Variants in CNTNAP5 observed in about 807,000 individuals in gnomAD.
CNTNAP5 encodes the protein contactin associated protein family member 5, also known as contactin-associated protein-like 5.
CNTNAP5 carries 72 observed loss-of-function variants against 150.2 expected under a neutral mutation model. The observed-to-expected ratio is 0.48, with a 90% CI of 0.40 to 0.58. The LOEUF (loss-of-function observed/expected upper bound fraction) is 0.58. CNTNAP5 is among the 20% of genes least tolerant of loss of function. CNTNAP5 has a pLI of 0.00. For missense variants in CNTNAP5, 1,636 were observed against 1,626.2 expected, an observed-to-expected ratio of 1.01 and a Z score of -0.10; for synonymous variants, 672 against 619.8, an observed-to-expected ratio of 1.08 and a Z score of -1.25.
intron 19 of CNTNAP5, among the ~76,000 whole-genome samples, chr2:124,823,218 T>C (rs570456634): frequency 3.3e-5 from 5 of 152,310 alleles, no homozygotes; most frequent in Admixed American, 3.3e-4. Flanking sequence ...AGAACGGACA[T>C]TTCCTTGTGG....
intron 5 of CNTNAP5, among the ~76,000 whole-genome samples, chr2:124,440,494 G>A (rs1022189477): frequency 1.3e-5 from 2 of 152,074 alleles, no homozygotes; most frequent in South Asian, 2.1e-4. Context: ...ATCAAACAAG[G>A]CATTTGGTTG....
At chr2:124,213,397 A>G (rs556660317) in intron 1 of CNTNAP5, among the ~76,000 whole-genome samples, 1 of 152,314 alleles carries the variant, frequency 6.6e-6, no homozygotes, top group African/African-American at 2.4e-5. Flanking sequence ...GAAAATAAAT[A>G]AGTGGAAAAC....
At position 124,334,038 on chromosome 2, in the gene CNTNAP5, C is replaced by T. The variant is rs142981805; in HGVS notation, c.382-83405C>T. 1.0e-3 allele frequency among the ~76,000 whole-genome samples: 153 copies of T among 152,188 alleles called. 4 individuals are homozygous for T. The East Asian group carries it at 0.023, about 23-fold the overall frequency. ...CCTAAAAACCCAAAAGATCACACAG[C>T]TGACTGTAAAACAGTGCAGAGCTTC... On this transcript the variant is annotated intron_variant, in intron 3 of 23. Coordinates refer to ENST00000682447, the MANE Select transcript of CNTNAP5 (RefSeq NM_001367498.1).
intron 11 of CNTNAP5, among the ~76,000 whole-genome samples, chr2:124,608,517 T>C (rs1023569475): frequency 1.3e-5 from 2 of 152,304 alleles, no homozygotes; most frequent in Middle Eastern, 3.4e-3. Flanking sequence ...CCTCCATGGT[T>C]CCATCCTCTG....
chr2:124,481,114 C>G (rs971065530), intron 7 of CNTNAP5, among the ~76,000 whole-genome samples: 7 of 152,184 alleles, frequency 4.6e-5, no homozygotes, highest in African/African-American at 7.2e-5. Flanking sequence ...CGATCGGGTT[C>G]GGGTGAGGGC....
rs557770883 is a variant in CNTNAP5 at position 124,712,991 on chromosome 2, C to T, written c.2078-34238C>T. Among the ~76,000 whole-genome samples the T allele has an allele frequency of 1.7e-3, 259 of 152,236 alleles. 2 individuals are homozygous for T. The highest frequency in any genetic ancestry group is 5.8e-3 in the African/African-American group (243 of 41,544). On this transcript the variant is annotated intron_variant, in intron 13 of 23. Coordinates refer to ENST00000682447, the MANE Select transcript of CNTNAP5 (RefSeq NM_001367498.1). The stretch of plus-strand genomic sequence containing the variant: ...GACCTAATCACCTCCCAAAGGGAAA[C>T]CTCCTAATACCATCATCTTGGAGGT...
At chr2:124,786,636 G>A (rs1681604430) in intron 17 of CNTNAP5, among the ~76,000 whole-genome samples, 1 of 152,076 alleles carries the variant, frequency 6.6e-6, no homozygotes, top group Non-Finnish European at 1.5e-5. Flanking sequence ...AGAAGAGAGA[G>A]AGAGAAGCAA....
At chr2:124,375,743 T>C (rs1361326559) in intron 3 of CNTNAP5, among the ~76,000 whole-genome samples, 2 of 152,110 alleles carry the variant, frequency 1.3e-5, no homozygotes, top group Non-Finnish European at 2.9e-5. Flanking sequence ...ATTCTCTCTG[T>C]ACAGTTTTTG....
rs17011548 is a variant in CNTNAP5 at position 124,480,587 on chromosome 2, C to T, written c.1062+5705C>T. ...CTTACCTCCCTGTGACCCAAAACCTCATGAAAATTGCTCAGAGAAAACTCC... is the reference window on the plus strand; with the variant it reads ...CTTACCTCCCTGTGACCCAAAACCTTATGAAAATTGCTCAGAGAAAACTCC... On this transcript the variant is annotated intron_variant, in intron 7 of 23. Coordinates refer to ENST00000682447, the MANE Select transcript of CNTNAP5 (RefSeq NM_001367498.1). Among the ~76,000 whole-genome samples, 1,179 of 152,284 alleles carry T rather than the reference C, an allele frequency of 7.7e-3. 17 individuals are homozygous for T. Among genetic ancestry groups the T allele is most frequent in the African/African-American group, 0.027 (1,105 of 41,546 alleles).
intron 12 of CNTNAP5, among the ~76,000 whole-genome samples, chr2:124,638,752 C>T (rs1319977012): frequency 4.6e-5 from 7 of 152,030 alleles, no homozygotes; most frequent in Admixed American, 2.0e-4. Flanking sequence ...CTCTTTTGTA[C>T]CTTCACAAAA....
chr2:124,155,890 T>C (rs1307058344), intron 1 of CNTNAP5, among the ~76,000 whole-genome samples: 1 of 152,178 alleles, frequency 6.6e-6, no homozygotes, highest in African/African-American at 2.4e-5. Context: ...AATGACCAAG[T>C]CTATTGCAAA....
chr2:124,072,737 T>C (rs1682336332), intron 1 of CNTNAP5, among the ~76,000 whole-genome samples: 1 of 152,000 alleles, frequency 6.6e-6, no homozygotes, highest in Admixed American at 6.6e-5. Context: ...GGATAGTCCA[T>C]ATTCATGCAT....
At chr2:124,653,647 A>G (rs1033820153) in intron 13 of CNTNAP5, among the ~76,000 whole-genome samples, 1 of 148,270 alleles carries the variant, frequency 6.7e-6, no homozygotes, top group African/African-American at 2.6e-5. Flanking sequence ...AGGAATTGTG[A>G]TGTAGAAAAG....
intron 1 of CNTNAP5, among the ~76,000 whole-genome samples, chr2:124,168,647 C>G (rs967949475): frequency 6.6e-6 from 1 of 152,128 alleles, no homozygotes; most frequent in Non-Finnish European, 1.5e-5. Context: ...AAGAACAAAA[C>G]AGGAAAGCAA....
At chr2:124,461,626 A>G (rs1327138375) in intron 6 of CNTNAP5, among the ~76,000 whole-genome samples, 2 of 151,926 alleles carry the variant, frequency 1.3e-5, no homozygotes, top group Non-Finnish European at 2.9e-5. Context: ...ATGTATACAT[A>G]TATAACTAAC....
chr2:124,356,769 G>A lies in CNTNAP5; in HGVS notation c.382-60674G>A, dbSNP rs556838113. 1.2e-3 allele frequency among the ~76,000 whole-genome samples: 183 copies of A among 151,526 alleles called. No homozygotes were observed. In the East Asian group the frequency reaches 0.014, roughly 12 times the overall value. On this transcript the variant is annotated intron_variant, in intron 3 of 23. Transcript: ENST00000682447. ...GTGAATAATGCCACAATAAACATAC[G>A]TGTGCATGTGTCTTTATAGCAGCAT...
chr2:124,087,806 C>T (rs564743239), intron 1 of CNTNAP5, among the ~76,000 whole-genome samples: 1 of 148,286 alleles, frequency 6.7e-6, no homozygotes, highest in South Asian at 2.1e-4. Flanking sequence ...GATGGGAAAC[C>T]TATTGTCACT....
chr2:124,333,176 G>A (rs1689390465), intron 3 of CNTNAP5, among the ~76,000 whole-genome samples: 1 of 152,130 alleles, frequency 6.6e-6, no homozygotes, highest in Non-Finnish European at 1.5e-5. Context: ...GCTGAGGTGG[G>A]AGAAATGCTT....
At chr2:124,122,939 GT>G (rs772789403) in intron 1 of CNTNAP5, among the ~76,000 whole-genome samples, 70 of 152,166 alleles carry the variant, frequency 4.6e-4, no homozygotes, top group Non-Finnish European at 8.7e-4. Flanking sequence ...AAGCAGATGA[GT>G]TTTTTTCAGT....
Sources: allele counts gnomAD v4.1 joint callset (sites outside exome capture counted in the v4.1 genomes callset), GRCh38; gene constraint gnomAD v4.1.1; transcripts MANE v1.5; gene names NCBI Gene and HGNC (gene_info 2026-07-23, HGNC 2026-07-21).